NAV2: variants seen among roughly 807,000 people sequenced by gnomAD.
NAV2 encodes the protein neuron navigator 2, also known as helicase, APC down-regulated 1.
NAV2 carries 54 observed loss-of-function variants against 223.2 expected under a neutral mutation model. That is an observed-to-expected ratio of 0.24 (90% CI 0.19 to 0.30). NAV2 has a LOEUF of 0.30. Among genes scored for constraint, NAV2 ranks in the 10% least tolerant of loss-of-function variants. NAV2 has a pLI of 1.00. For synonymous variants in NAV2, 1,279 were observed against 1,239.3 expected, an observed-to-expected ratio of 1.03 and a Z score of -0.67; for missense variants, 2,806 against 3,147.5, an observed-to-expected ratio of 0.89 and a Z score of 2.60.
intron 1 of NAV2, among the ~76,000 whole-genome samples, chr11:19,446,340 C>T (rs1055680352): frequency 6.6e-6 from 1 of 152,102 alleles, no homozygotes; most frequent in South Asian, 2.1e-4. Flanking sequence ...TGGGGAGGAG[C>T]AATTTAAATA....
At chr11:20,036,775 A>G (rs1009455115) in intron 12 of NAV2, among the ~76,000 whole-genome samples, 1 of 152,228 alleles carries the variant, frequency 6.6e-6, no homozygotes, top group Non-Finnish European at 1.5e-5. Flanking sequence ...CAGATGTCCC[A>G]GTATCCAACC....
At chr11:20,067,644 ATT>A (rs11371990) in intron 20 of NAV2, among the ~76,000 whole-genome samples, 11 of 129,208 alleles carry the variant, frequency 8.5e-5, no homozygotes, top group Admixed American at 1.6e-4. Context: ...CACCCGGCTA[ATT>A]TTTTTTTTTT....
rs190575889 is a variant in NAV2, at chr11:19,865,763, C to T, written c.439-3162C>T. Among the ~76,000 whole-genome samples the T allele has an allele frequency of 1.6e-3, 236 of 151,496 alleles. 2 individuals are homozygous for T. Among genetic ancestry groups the T allele is most frequent in the South Asian group, 5.6e-3 (27 of 4,822 alleles). ...GTGCAGACCAGCCATCTGGTTTTGG[C>T]TCCCTGTATTTCATCTCTTTAGAAG... is the stretch of plus-strand genomic sequence containing the variant. On this transcript the variant is annotated intron_variant, in intron 3 of 37. Transcript: ENST00000349880.
Position 19,933,835 on chromosome 11 carries a change from G to A in NAV2, c.1591G>A (p.Glu531Lys), listed in dbSNP as rs538392113. The A allele has an allele frequency of 4.7e-5, 76 of 1,609,102 alleles. 1 individual carries two copies. In the South Asian group the frequency reaches 6.4e-4, roughly 14 times the overall value. ...AGACCCCAGTGGAGCAGCTGTGCCCGAGATGCCAAAAAAGTCCTCCAAGAT... is the reference window on the plus strand; with the variant it reads ...AGACCCCAGTGGAGCAGCTGTGCCCAAGATGCCAAAAAAGTCCTCCAAGAT... ...KEDPSGAAVP[E>K]MPKKSSKIAS... The change falls in exon 7 of 38, where the codon GAG (glutamate) becomes AAG (lysine). Residue 531 changes from glutamate (E) to lysine (K), a missense_variant. Physicochemically the swap from Glu to Lys is moderately conservative, Grantham distance 56 (BLOSUM62 1). Coordinates refer to ENST00000349880, the MANE Select transcript of NAV2 (RefSeq NM_145117.5). This position sits in a 1 kb window ranked among gnomAD's most constrained non-coding sequence, Gnocchi z 4.3.
chr11:19,462,315 C>A (rs1256572644), intron 1 of NAV2, among the ~76,000 whole-genome samples: 1 of 152,148 alleles, frequency 6.6e-6, no homozygotes, highest in African/African-American at 2.4e-5. Context: ...CCAGGAGGTA[C>A]AACTACTCCT....
intron 1 of NAV2, among the ~76,000 whole-genome samples, chr11:19,601,106 GCA>G (rs1356294324): frequency 6.6e-6 from 1 of 152,144 alleles, no homozygotes; most frequent in Admixed American, 6.5e-5. Context: ...CTGGCACTGG[GCA>G]CAGTGTCTGG....
chr11:20,056,843 G>A (rs1034891680), intron 19 of NAV2, among the ~76,000 whole-genome samples: 2 of 152,120 alleles, frequency 1.3e-5, no homozygotes, highest in African/African-American at 4.8e-5. Flanking sequence ...TAAAATAGGA[G>A]TAATAATAGT....
chr11:19,760,393 C>A (rs1157915187), intron 1 of NAV2, among the ~76,000 whole-genome samples: 2 of 152,188 alleles, frequency 1.3e-5, no homozygotes, highest in African/African-American at 4.8e-5. Flanking sequence ...TGAAATAATA[C>A]TGGACAGTGA....
At chr11:19,779,313 A>G (rs562559114) in intron 1 of NAV2, among the ~76,000 whole-genome samples, 1 of 152,226 alleles carries the variant, frequency 6.6e-6, no homozygotes, top group Non-Finnish European at 1.5e-5. Flanking sequence ...CCACTGCCCC[A>G]GAGCCCAGGC....
At chr11:19,931,261 C>T (rs1371413843) in intron 6 of NAV2, among the ~76,000 whole-genome samples, 2 of 152,144 alleles carry the variant, frequency 1.3e-5, no homozygotes, top group African/African-American at 2.4e-5. Context: ...AAGCCAGTCT[C>T]CCCAGGAAAA....
intron 1 of NAV2, among the ~76,000 whole-genome samples, chr11:19,419,249 TTCAAAAACATG>T (rs1195882313): frequency 6.6e-6 from 1 of 152,220 alleles, no homozygotes; most frequent in Non-Finnish European, 1.5e-5. Context: ...TATTTGCTCT[TTCAAAAACATG>T]TGACTTTCTT....
In NAV2 at chr11:20,105,602, T is replaced by G; in HGVS notation, c.6716T>G (p.Met2239Arg). ...FLGRFLRRKL[M>R]ETEISGRVRN... ...GGCCGATTCCTGAGGAGGAAGCTCATGGAAACAGAGATCAGTGGGCGGGTG... is the reference window on the plus strand; with the variant it reads ...GGCCGATTCCTGAGGAGGAAGCTCAGGGAAACAGAGATCAGTGGGCGGGTG... Residue 2239 changes from methionine to arginine, a missense_variant, in exon 35 of 38, where the codon ATG becomes AGG. Physicochemically the swap from Met to Arg is moderately conservative, Grantham distance 91. This residue lies in a region of NAV2 where 824 missense variants were observed against 1,069.4 expected (regional missense o/e 0.77). Coordinates refer to ENST00000349880, the MANE Select transcript of NAV2 (RefSeq NM_145117.5). The G allele has an allele frequency of 6.2e-7, 1 of 1,614,064 alleles. No homozygotes were observed. The highest frequency in any genetic ancestry group is 8.5e-7 in the Non-Finnish European group (1 of 1,179,980).
At chr11:19,530,796 A>G (rs1229848210) in intron 1 of NAV2, among the ~76,000 whole-genome samples, 1 of 152,236 alleles carries the variant, frequency 6.6e-6, no homozygotes, top group Non-Finnish European at 1.5e-5. Context: ...ACAGCCCTGA[A>G]AGGTCGGCCT....
intron 1 of NAV2, among the ~76,000 whole-genome samples, chr11:19,354,146 A>T (rs1261489375): frequency 2.0e-5 from 3 of 152,238 alleles, no homozygotes; most frequent in African/African-American, 4.8e-5. Flanking sequence ...CTATTCAAGA[A>T]GTATTTATGA....
chr11:19,919,036 A>C (rs896879202), intron 6 of NAV2, among the ~76,000 whole-genome samples: 1 of 152,170 alleles, frequency 6.6e-6, no homozygotes, highest in Non-Finnish European at 1.5e-5. Flanking sequence ...AAGAAAAATA[A>C]AAGTTGGAAG....
chr11:20,001,756 A>T (rs1236635519), intron 11 of NAV2, among the ~76,000 whole-genome samples: 1 of 151,808 alleles, frequency 6.6e-6, no homozygotes, highest in Non-Finnish European at 1.5e-5. Context: ...CCTAATGTAA[A>T]TGTCGAGTTA....
At chr11:19,999,156 A>G (rs1303182440) in intron 11 of NAV2, among the ~76,000 whole-genome samples, 2 of 152,246 alleles carry the variant, frequency 1.3e-5, no homozygotes, top group East Asian at 1.9e-4. Flanking sequence ...ACCCATTAGA[A>G]AGGGGCATCA....
chr11:19,451,822 A>G (rs1431394852), intron 1 of NAV2, among the ~76,000 whole-genome samples: 1 of 152,226 alleles, frequency 6.6e-6, no homozygotes. Flanking sequence ...TGTTAAGCAA[A>G]TGTAAGGACA....
At chr11:19,983,676 C>T (rs1461036136) in intron 10 of NAV2, among the ~76,000 whole-genome samples, 1 of 152,114 alleles carries the variant, frequency 6.6e-6, no homozygotes, top group African/African-American at 2.4e-5. Flanking sequence ...TTTCTTTCCC[C>T]CTCTCTCAAA....
Sources: gnomAD v4.1 joint callset for allele counts (sites outside exome capture counted in the v4.1 genomes callset) on GRCh38, gnomAD v4.1.1 for gene constraint, gnomAD v4.1.1 regional missense constraint, Gnocchi (gnomAD v3.1) non-coding constraint, MANE v1.5 for transcripts, NCBI Gene and HGNC (gene_info 2026-07-23, HGNC 2026-07-21) for gene names.